Variants in LRRC40 observed in about 807,000 individuals in gnomAD.
The protein encoded by LRRC40 is leucine rich repeat containing 40.
A neutral mutation model predicts 72.8 loss-of-function variants in LRRC40; 76 were observed. That is an observed-to-expected ratio of 1.04 (90% CI 0.87 to 1.26). LRRC40 has a LOEUF of 1.26. Ranked by LOEUF, LRRC40 falls within the 50% of genes most tolerant of loss-of-function variation. The probability of loss-of-function intolerance (pLI) is 0.00; values close to 1 mark genes in which losing one functional copy is unlikely to be tolerated. For synonymous variants in LRRC40, 243 were observed against 254.2 expected (o/e 0.96, Z 0.42); for missense variants, 684 against 698.9 (o/e 0.98, Z 0.24).
Position 70,159,398 on chromosome 1 carries a change from G to A in LRRC40, c.1152C>T (p.Ala384=), listed in dbSNP as rs1167288256. ...CTCTGGATTCACTTGGTAGTGTCAT[G>A]GCAGTCTCAGTAGCAGACTCACTTT... is the stretch of plus-strand genomic sequence containing the variant. The part of the protein sequence containing the change: ...PSQSESATET[A]MTLPSESRVN... The change falls in exon 10 of 15, where the codon GCC becomes GCT. Residue 384 remains alanine, a synonymous_variant. Transcript: ENST00000370952. 1 of 1,598,588 alleles carries A rather than the reference G, an allele frequency of 6.3e-7. No individual in the cohort carries two copies. The highest frequency in any genetic ancestry group is 8.5e-7 in the Non-Finnish European group (1 of 1,169,686).
chr1:70,150,637 C>T (rs566455405), intron 13 of LRRC40, among the ~76,000 whole-genome samples: 1 of 152,350 alleles, frequency 6.6e-6, no homozygotes, highest in Non-Finnish European at 1.5e-5. Flanking sequence ...TTCTACTCCT[C>T]TACCTGTTTG....
intron 6 of LRRC40, 141 bp downstream of exon 6, chr1:70,178,710 G>C (rs1668164192): frequency 4.9e-6 from 2 of 409,140 alleles, no homozygotes; most frequent in Admixed American, 4.5e-5. Context: ...TTAAAATTCT[G>C]AAAAGTATTA....
rs545528236 is a variant in LRRC40 at position 70,187,220 on chromosome 1, A to G, written c.407+45T>C. 21 of 879,548 alleles carry G rather than the reference A, an allele frequency of 2.4e-5. No homozygotes were observed. The South Asian group carries it at 2.8e-4, about 12-fold the overall frequency. 54.5% of individuals were successfully genotyped at this position (879,548 alleles called of 1,614,324 possible). ...AAAATTTAAAGAATATTAGATTTAAACCATTATAAGGGCAATAATATAAGT... is the reference window on the plus strand; with the variant it reads ...AAAATTTAAAGAATATTAGATTTAAGCCATTATAAGGGCAATAATATAAGT... On this transcript the variant is annotated intron_variant, in intron 3 of 14. Transcript: ENST00000370952.
At chr1:70,163,079 CT>C (rs377411157) in intron 9 of LRRC40, among the ~76,000 whole-genome samples, 244 of 140,468 alleles carry the variant, frequency 1.7e-3, no homozygotes, top group South Asian at 1.8e-3. Context: ...CTTTCCTTTT[CT>C]TTTTTTTTTT....
intron 1 of LRRC40, among the ~76,000 whole-genome samples, chr1:70,199,724 CTG>C (rs1254011583): frequency 6.6e-6 from 1 of 152,104 alleles, no homozygotes; most frequent in Non-Finnish European, 1.5e-5. Context: ...TGTTAATTGA[CTG>C]TTTATGTTAT....
Position 70,205,499 on chromosome 1 carries a change from A to G in LRRC40, c.42T>C (p.Ala14=). The G allele has an allele frequency of 6.2e-7, 1 of 1,605,794 alleles. No individual in the cohort carries two copies. Among genetic ancestry groups the G allele is most frequent in the South Asian group, 1.1e-5 (1 of 90,592 alleles). Residue 14 remains alanine, a synonymous_variant, in exon 1 of 15, where the codon GCT becomes GCC. Transcript: ENST00000370952. ...AGTCTCTTCCACCTGCTTTGAAACCAGCGCGGAGATCCTGCCCCGCTATCC... is the reference window on the plus strand; with the variant it reads ...AGTCTCTTCCACCTGCTTTGAAACCGGCGCGGAGATCCTGCCCCGCTATCC... ...LKRIAGQDLR[A]GFKAGGRDCG...
intron 7 of LRRC40, among the ~76,000 whole-genome samples, chr1:70,175,369 C>A (rs113619957): frequency 6.6e-6 from 1 of 152,012 alleles, no homozygotes; most frequent in Non-Finnish European, 1.5e-5. Flanking sequence ...TTCTAGGGTC[C>A]CGTCATCAGA....
intron 9 of LRRC40, among the ~76,000 whole-genome samples, chr1:70,161,088 TA>T (rs1421458318): frequency 6.0e-5 from 9 of 151,254 alleles, no homozygotes; most frequent in African/African-American, 1.9e-4. Flanking sequence ...GATATCTCAT[TA>T]TTTTTTTTTT....
chr1:70,158,140 T>C (rs1367370207), intron 10 of LRRC40, among the ~76,000 whole-genome samples: 1 of 138,928 alleles, frequency 7.2e-6, no homozygotes, highest in African/African-American at 2.7e-5. Context: ...TAAGTTGCCA[T>C]GCTCTGTAAG....
intron 9 of LRRC40, among the ~76,000 whole-genome samples, chr1:70,161,759 TAGAAA>T (rs1667769167): frequency 1.3e-5 from 2 of 152,120 alleles, no homozygotes; most frequent in Admixed American, 1.3e-4. Flanking sequence ...TCCTGTCTCT[TAGAAA>T]TAAGAGTAAA....
intron 4 of LRRC40, among the ~76,000 whole-genome samples, chr1:70,183,547 T>C (rs1374568571): frequency 6.6e-6 from 1 of 152,108 alleles, no homozygotes; most frequent in African/African-American, 2.4e-5. Context: ...TCTCTTTCTT[T>C]TTCTTTCCTC....
At chr1:70,178,526 A>G (rs939630998) in intron 6 of LRRC40, among the ~76,000 whole-genome samples, 1 of 152,198 alleles carries the variant, frequency 6.6e-6, no homozygotes, top group Non-Finnish European at 1.5e-5. Flanking sequence ...TTATAGAATT[A>G]GGTACATAAT....
intron 5 of LRRC40, among the ~76,000 whole-genome samples, chr1:70,180,834 A>G (rs1394082225): frequency 1.3e-5 from 2 of 152,176 alleles, no homozygotes; most frequent in Non-Finnish European, 2.9e-5. Flanking sequence ...TAGCTTAGGT[A>G]TATAATCCTA....
chr1:70,203,131 G>A (rs999207406), intron 1 of LRRC40, among the ~76,000 whole-genome samples: 4 of 152,100 alleles, frequency 2.6e-5, no homozygotes, highest in Non-Finnish European at 5.9e-5. Flanking sequence ...GCCTCAAAGC[G>A]ATCCTCCTGC....
chr1:70,145,756 C>A lies in LRRC40; in HGVS notation c.*44G>T. On this transcript the variant is annotated 3_prime_UTR_variant, in exon 15 of 15. Coordinates refer to ENST00000370952, the MANE Select transcript of LRRC40 (RefSeq NM_017768.5). ...AATGTTACATCCTCCTTAGAATTAA[C>A]CAGGGTTAATAATACATGACAAGGG... 1.0e-6 allele frequency: 1 copy of A among 991,084 alleles called. No individual in the cohort carries two copies. Among genetic ancestry groups the A allele is most frequent in the South Asian group, 1.4e-5 (1 of 71,594 alleles). 61.4% of individuals were successfully genotyped at this position (991,084 alleles called of 1,614,324 possible). A position where few individuals can be genotyped will look rare whatever the true frequency, so the allele number is the denominator to read the frequency against.
chr1:70,193,175 G>T (rs547471974), intron 1 of LRRC40, among the ~76,000 whole-genome samples: 189 of 151,016 alleles, frequency 1.3e-3, no homozygotes, highest in Non-Finnish European at 1.3e-3. Context: ...CAATGAGAGA[G>T]AAACAAACAG....
At position 70,185,084 on chromosome 1, in the gene LRRC40, T is replaced by C. The variant is rs368284204; in HGVS notation, c.408-170A>G. ...CAAAAATATGTACTCATTAAAATAA[T>C]AGTAATCTAAAGTAACCACATTGGG... is the stretch of plus-strand genomic sequence containing the variant. On this transcript the variant is annotated intron_variant, in intron 3 of 14. Transcript: ENST00000370952. Among the ~76,000 whole-genome samples, 43 of 152,336 alleles carry C rather than the reference T, an allele frequency of 2.8e-4. No homozygotes were observed. The South Asian group carries it at 5.6e-3, about 20-fold the overall frequency.
chr1:70,186,355 T>A (rs1018114157), intron 3 of LRRC40, among the ~76,000 whole-genome samples: 3 of 152,220 alleles, frequency 2.0e-5, no homozygotes, highest in Admixed American at 2.0e-4. Flanking sequence ...AGGCCACGTC[T>A]ATGCCTTTGA....
intron 11 of LRRC40, among the ~76,000 whole-genome samples, chr1:70,153,285 C>T (rs1667552193): frequency 6.6e-6 from 1 of 151,818 alleles, no homozygotes; most frequent in Non-Finnish European, 1.5e-5. Context: ...TTGCTTGAGC[C>T]TGGGAGGCGG....
Sources: gnomAD v4.1 joint callset for allele counts (sites outside exome capture counted in the v4.1 genomes callset) on GRCh38, gnomAD v4.1.1 for gene constraint, MANE v1.5 for transcripts, NCBI Gene and HGNC (gene_info 2026-07-23, HGNC 2026-07-21) for gene names.